Variants in HS3ST4 observed in about 807,000 individuals in gnomAD.
The protein encoded by HS3ST4 is heparan sulfate glucosamine 3-O-sulfotransferase 4.
HS3ST4 carries 17 observed loss-of-function variants against 29.2 expected under a neutral mutation model. That is an observed-to-expected ratio of 0.58 (90% CI 0.40 to 0.87). The LOEUF is 0.87. HS3ST4 is among the 40% of genes least tolerant of loss of function. HS3ST4 has a pLI of 0.00. For missense variants in HS3ST4, 627 were observed against 634.5 expected, an observed-to-expected ratio of 0.99 and a Z score of 0.13; for synonymous variants, 314 against 285.7, an observed-to-expected ratio of 1.10 and a Z score of -1.00.
intron 1 of HS3ST4, among the ~76,000 whole-genome samples, chr16:25,982,410 C>G (rs1969016515): frequency 6.6e-6 from 1 of 152,228 alleles, no homozygotes; most frequent in Non-Finnish European, 1.5e-5. Flanking sequence ...CATCCCGACT[C>G]TTTTGCCTCA....
chr16:26,007,648 C>T (rs1969270219), intron 1 of HS3ST4, among the ~76,000 whole-genome samples: 1 of 152,202 alleles, frequency 6.6e-6, no homozygotes, highest in South Asian at 2.1e-4. Flanking sequence ...CAAGATGAGG[C>T]CATTTCCTCC....
In HS3ST4 at chr16:26,031,815, AAC is replaced by A. The variant is rs535158806; in HGVS notation, c.735-103795_735-103794del. ...GGGCAGACAATCGTTAACAGTATACAACAACTTTCAAACTCCCTTCTTCAATG... is the reference window on the plus strand; with the variant it reads ...GGGCAGACAATCGTTAACAGTATACAAACTTTCAAACTCCCTTCTTCAATG... On this transcript the variant is annotated intron_variant, in intron 1 of 1. Coordinates refer to ENST00000331351, the MANE Select transcript of HS3ST4 (RefSeq NM_006040.3). Among the ~76,000 whole-genome samples the A allele has an allele frequency of 1.9e-4, 29 of 152,244 alleles. No individual in the cohort carries two copies. The East Asian group carries it at 5.4e-3, about 28-fold the overall frequency.
intron 1 of HS3ST4, among the ~76,000 whole-genome samples, chr16:25,828,296 CTTT>C (rs1342352858): frequency 0.016 from 1,183 of 73,382 alleles, 2 homozygotes; most frequent in East Asian, 0.022. Context: ...TTCTTTCTTT[CTTT>C]CCCTCTCTCT....
chr16:26,109,829 A>G (rs1899105151), intron 1 of HS3ST4, among the ~76,000 whole-genome samples: 1 of 152,156 alleles, frequency 6.6e-6, no homozygotes, highest in Non-Finnish European at 1.5e-5. Context: ...ATGTAATTCA[A>G]TATATGTATG....
At chr16:25,693,720 G>C (rs994436336) in intron 1 of HS3ST4, among the ~76,000 whole-genome samples, 3 of 152,138 alleles carry the variant, frequency 2.0e-5, no homozygotes, top group Admixed American at 6.5e-5. Context: ...TCCCACCTCC[G>C]TAACTTTCCA....
intron 1 of HS3ST4, among the ~76,000 whole-genome samples, chr16:25,908,247 A>G (rs568968892): frequency 3.9e-5 from 6 of 152,348 alleles, no homozygotes; most frequent in African/African-American, 1.4e-4. Context: ...ATGAGCAGGG[A>G]GGGATCAAAA....
chr16:25,833,339 A>G (rs1967324816), intron 1 of HS3ST4, among the ~76,000 whole-genome samples: 1 of 152,142 alleles, frequency 6.6e-6, no homozygotes, highest in Non-Finnish European at 1.5e-5. Context: ...GTCAATCTTG[A>G]TCTTGGAGTC....
chr16:25,942,227 A>G (rs1968579117), intron 1 of HS3ST4, among the ~76,000 whole-genome samples: 1 of 152,162 alleles, frequency 6.6e-6, no homozygotes, highest in South Asian at 2.1e-4. Context: ...GGGAGGAGAA[A>G]CAAGAGATGA....
chr16:25,967,795 T>G (rs951587390), intron 1 of HS3ST4, among the ~76,000 whole-genome samples: 13 of 152,122 alleles, frequency 8.5e-5, no homozygotes, highest in African/African-American at 3.1e-4. Context: ...GGGTGGAGTT[T>G]GTGACTCTGA....
At chr16:25,803,391 G>A (rs1486446872) in intron 1 of HS3ST4, among the ~76,000 whole-genome samples, 2 of 152,182 alleles carry the variant, frequency 1.3e-5, no homozygotes, top group African/African-American at 4.8e-5. Flanking sequence ...TGGTGGAGCA[G>A]ACATTTCTTG....
At chr16:26,106,373 A>T (rs1336595557) in intron 1 of HS3ST4, among the ~76,000 whole-genome samples, 1 of 152,200 alleles carries the variant, frequency 6.6e-6, no homozygotes, top group East Asian at 1.9e-4. Flanking sequence ...CATTTACTTT[A>T]TGCCTTCAAA....
intron 1 of HS3ST4, among the ~76,000 whole-genome samples, chr16:25,800,941 C>T (rs889986941): frequency 2.0e-5 from 3 of 152,054 alleles, no homozygotes; most frequent in Non-Finnish European, 4.4e-5. Context: ...TTCAGAACTG[C>T]AAAAAATACC....
chr16:26,081,633 C>T (rs998226885), intron 1 of HS3ST4, among the ~76,000 whole-genome samples: 1 of 151,980 alleles, frequency 6.6e-6, no homozygotes, highest in African/African-American at 2.4e-5. Context: ...CTAAACTGAG[C>T]CCTTAAAGAC....
Position 26,041,491 on chromosome 16 carries a change from C to T in HS3ST4, c.735-94121C>T, listed in dbSNP as rs150570259. Among the ~76,000 whole-genome samples, 453 of 152,116 alleles carry T rather than the reference C, an allele frequency of 3.0e-3. 10 individuals are homozygous for T. Among genetic ancestry groups the T allele is most frequent in the Admixed American group, 0.028 (430 of 15,266 alleles). The stretch of plus-strand genomic sequence containing the variant: ...GGTCTGGAGAAGTAACATTAAAAAA[C>T]GAACAAACAAAACAAAACCCTGAAA... On this transcript the variant is annotated intron_variant, in intron 1 of 1. Transcript: ENST00000331351.
At chr16:26,008,546 C>T (rs1202033646) in intron 1 of HS3ST4, among the ~76,000 whole-genome samples, 7 of 152,160 alleles carry the variant, frequency 4.6e-5, no homozygotes, top group Non-Finnish European at 7.3e-5. Flanking sequence ...GGGCCAGGCA[C>T]GTTGGCTTAT....
intron 1 of HS3ST4, among the ~76,000 whole-genome samples, chr16:25,876,190 T>C (rs1445641535): frequency 6.6e-5 from 10 of 152,182 alleles, no homozygotes; most frequent in Non-Finnish European, 1.5e-5. Flanking sequence ...TTTGTCTCTG[T>C]GACTTCTGAC....
intron 1 of HS3ST4, among the ~76,000 whole-genome samples, chr16:25,893,048 T>C (rs979589295): frequency 2.0e-5 from 3 of 152,100 alleles, no homozygotes; most frequent in Non-Finnish European, 4.4e-5. Flanking sequence ...GAGCTGTTAA[T>C]GTGTGTGAAG....
intron 1 of HS3ST4, among the ~76,000 whole-genome samples, chr16:26,112,288 C>T (rs1424695354): frequency 6.7e-6 from 1 of 149,554 alleles, no homozygotes; most frequent in Non-Finnish European, 1.5e-5. Flanking sequence ...TGTCTTAAGA[C>T]TGTAATATCT....
chr16:26,093,083 C>T (rs9928943), intron 1 of HS3ST4, among the ~76,000 whole-genome samples: 82,153 of 151,978 alleles, frequency 0.54, 22,948 homozygotes, highest in African/African-American at 0.67. Flanking sequence ...ACAAAGTGGC[C>T]GGGAAGCTTG....
Sources: allele counts gnomAD v4.1 joint callset (sites outside exome capture counted in the v4.1 genomes callset), GRCh38; gene constraint gnomAD v4.1.1; transcripts MANE v1.5; gene names NCBI Gene and HGNC (gene_info 2026-07-23, HGNC 2026-07-21).